AGBL1: variants seen among roughly 807,000 people sequenced by gnomAD.
AGBL1 encodes the protein cytosolic carboxypeptidase 4.
Under a neutral mutation model 118.9 loss-of-function variants are expected in AGBL1, and 130 were observed. The observed-to-expected ratio is 1.09, with a 90% CI of 0.95 to 1.26. The LOEUF (loss-of-function observed/expected upper bound fraction) is 1.26, where lower values mean the gene tolerates loss of function less well. Ranked by LOEUF, AGBL1 falls within the 50% of genes most tolerant of loss-of-function variation. The pLI is 0.00. For synonymous variants in AGBL1, 555 were observed against 478.9 expected (o/e 1.16, Z -2.08); for missense variants, 1,584 against 1,298.1 (o/e 1.22, Z -3.38).
At chr15:86,436,901 C>A (rs1275502950) in intron 18 of AGBL1, among the ~76,000 whole-genome samples, 3 of 152,024 alleles carry the variant, frequency 2.0e-5, no homozygotes, top group African/African-American at 7.2e-5. Context: ...GTTGGGCCTT[C>A]TAGTATGTTT....
At chr15:86,188,989 AGTTTT>A in intron 5 of AGBL1, among the ~76,000 whole-genome samples, 1 of 152,338 alleles carries the variant, frequency 6.6e-6, no homozygotes, top group East Asian at 1.9e-4. Context: ...GTACATGAAT[AGTTTT>A]AAGTTGTGAC....
rs545708864 is a variant in AGBL1 at position 86,851,137 on chromosome 15, C to T, written c.3159-55950C>T. On this transcript the variant is annotated intron_variant, in intron 22 of 22. Coordinates refer to ENST00000614907, the MANE Select transcript of AGBL1 (RefSeq NM_001386094.1). ...GAAAGATCACTTGCTCTTATCCCTT[C>T]TAAGTGCTTTCCTGATAGCGTCACC... is the stretch of plus-strand genomic sequence containing the variant. Among the ~76,000 whole-genome samples the T allele has an allele frequency of 2.0e-5, 3 of 152,308 alleles. No individual in the cohort carries two copies. In the South Asian group the frequency reaches 6.2e-4, roughly 32 times the overall value.
intron 17 of AGBL1, among the ~76,000 whole-genome samples, chr15:86,322,912 AC>A (rs2080125723): frequency 1.3e-5 from 2 of 152,120 alleles, no homozygotes; most frequent in African/African-American, 4.8e-5. Flanking sequence ...CTTTTGTATT[AC>A]GTTTGTGGCT....
intron 17 of AGBL1, among the ~76,000 whole-genome samples, chr15:86,391,052 G>C (rs916840792): frequency 6.7e-6 from 1 of 149,988 alleles, no homozygotes; most frequent in African/African-American, 2.5e-5. Flanking sequence ...GTGGTTGCCA[G>C]AGGCTAGGGG....
At chr15:86,571,589 G>A (rs2084006827) in intron 21 of AGBL1, among the ~76,000 whole-genome samples, 1 of 152,164 alleles carries the variant, frequency 6.6e-6, no homozygotes, top group Non-Finnish European at 1.5e-5. Flanking sequence ...TCATCCTGAT[G>A]AGTGTCCAGC....
At chr15:86,853,075 C>A (rs941772821) in intron 22 of AGBL1, among the ~76,000 whole-genome samples, 2 of 152,190 alleles carry the variant, frequency 1.3e-5, no homozygotes, top group African/African-American at 4.8e-5. Flanking sequence ...CCAGGCCACA[C>A]CCCATGCCAA....
intron 21 of AGBL1, among the ~76,000 whole-genome samples, chr15:86,633,837 ATATATATAATGTATATATATATATAATG>A: frequency 6.0e-5 from 3 of 50,106 alleles, no homozygotes; most frequent in African/African-American, 3.7e-4. Flanking sequence ...TATAATGTAT[ATATATATAATGTATATATATATATAATG>A]TATATATATA....
chr15:86,326,665 A>AT (rs2080189075), intron 17 of AGBL1, among the ~76,000 whole-genome samples: 1 of 152,196 alleles, frequency 6.6e-6, no homozygotes, highest in Non-Finnish European at 1.5e-5. Context: ...TGAGGGAGGT[A>AT]TATGTTGCTT....
chr15:86,808,966 T>C (rs1387847911), intron 22 of AGBL1, among the ~76,000 whole-genome samples: 1 of 152,136 alleles, frequency 6.6e-6, no homozygotes, highest in Non-Finnish European at 1.5e-5. Flanking sequence ...ATGTGTGAGA[T>C]ACTGATGAAT....
In AGBL1 at chr15:86,397,540, A is replaced by G; in HGVS notation, c.2549A>G (p.Asn850Ser). The G allele has an allele frequency of 6.2e-7, 1 of 1,606,960 alleles. No individual in the cohort carries two copies. The highest frequency in any genetic ancestry group is 8.5e-7 in the Non-Finnish European group (1 of 1,176,374). The change falls in exon 18 of 23, where the codon AAC becomes AGC. Residue 850 changes from asparagine to serine, a missense_variant. Asn to Ser is a conservative substitution (Grantham distance 46). Coordinates refer to ENST00000614907, the MANE Select transcript of AGBL1 (RefSeq NM_001386094.1). The stretch of plus-strand genomic sequence containing the variant: ...ATGCTCAACCCAGATGGTGTCATCA[A>G]CGGCAAGTATGTCAGGCACCTGGCT... Reference protein sequence around the residue: ...IPMLNPDGVINGNHRCSLSGE... With the variant: ...IPMLNPDGVISGNHRCSLSGE...
At chr15:86,699,572 G>T (rs964133397) in intron 22 of AGBL1, among the ~76,000 whole-genome samples, 2 of 110,130 alleles carry the variant, frequency 1.8e-5, no homozygotes, top group African/African-American at 3.9e-5. Flanking sequence ...TTTTTTAAAA[G>T]ATTTTAGTCA....
intron 24 of AGBL1, among the ~76,000 whole-genome samples, chr15:86,998,921 G>C (rs370054589): frequency 1.3e-5 from 2 of 151,042 alleles, no homozygotes; most frequent in East Asian, 3.9e-4. Flanking sequence ...ATGCAGGTTT[G>C]TTACATATGT....
At chr15:86,508,560 A>AT (rs35667466) in intron 18 of AGBL1, among the ~76,000 whole-genome samples, 2 of 151,306 alleles carry the variant, frequency 1.3e-5, no homozygotes, top group Non-Finnish European at 3.0e-5. Flanking sequence ...ATAAAACAGG[A>AT]TTTTTTTCGA....
downstream of AGBL1, among the ~76,000 whole-genome samples, chr15:86,920,589 T>TA (rs1567240886): frequency 6.6e-6 from 1 of 152,236 alleles, no homozygotes; most frequent in Non-Finnish European, 1.5e-5. Context: ...AGTAATATTA[T>TA]CAAGGGTTAT....
intron 18 of AGBL1, among the ~76,000 whole-genome samples, chr15:86,478,797 A>G (rs576582761): frequency 6.6e-6 from 1 of 152,342 alleles, no homozygotes; most frequent in Admixed American, 6.5e-5. Flanking sequence ...CCAAAAGAAC[A>G]AAGCTGGAGG....
chr15:86,958,044 T>C (rs939380596), intron 23 of AGBL1, among the ~76,000 whole-genome samples: 4 of 149,032 alleles, frequency 2.7e-5, no homozygotes, highest in African/African-American at 7.3e-5. Flanking sequence ...AACTTAAAAA[T>C]AAAAATAAAA....
intron 22 of AGBL1, among the ~76,000 whole-genome samples, chr15:86,779,516 G>C (rs1381154841): frequency 2.0e-5 from 3 of 152,132 alleles, no homozygotes; most frequent in Non-Finnish European, 4.4e-5. Context: ...GCTATGAACA[G>C]TATTGTACCT....
At chr15:86,617,498 G>T (rs1220023664) in intron 21 of AGBL1, among the ~76,000 whole-genome samples, 1 of 152,138 alleles carries the variant, frequency 6.6e-6, no homozygotes, top group Admixed American at 6.5e-5. Context: ...TCAATTGTAT[G>T]TATGTAAATA....
intron 17 of AGBL1, among the ~76,000 whole-genome samples, chr15:86,339,202 A>G (rs2141878373): frequency 6.6e-6 from 1 of 152,212 alleles, no homozygotes; most frequent in East Asian, 1.9e-4. Context: ...CTGGTTTTTG[A>G]TGAGAGATAC....
Sources: allele counts gnomAD v4.1 joint callset (sites outside exome capture counted in the v4.1 genomes callset), GRCh38; gene constraint gnomAD v4.1.1; transcripts MANE v1.5; gene names NCBI Gene and HGNC (gene_info 2026-07-23, HGNC 2026-07-21).